Variants in GUCY1A2 observed in about 807,000 individuals in gnomAD.
GUCY1A2 encodes guanylate cyclase 1 soluble subunit alpha 2.
In GUCY1A2, 27 loss-of-function variants were observed where a neutral mutation model predicts 63.5. The observed-to-expected ratio is 0.43, with a 90% confidence interval of 0.31 to 0.59. GUCY1A2 has a LOEUF of 0.59. GUCY1A2 is among the 20% of genes least tolerant of loss of function. The probability of loss-of-function intolerance (pLI) is 0.11; values close to 1 mark genes in which losing one functional copy is unlikely to be tolerated. For synonymous variants in GUCY1A2, 364 were observed against 343.5 expected, an observed-to-expected ratio of 1.06 and a Z score of -0.66; for missense variants, 768 against 913.3, an observed-to-expected ratio of 0.84 and a Z score of 2.05.
intron 4 of GUCY1A2, among the ~76,000 whole-genome samples, chr11:106,910,180 C>G (rs1270246481): frequency 6.6e-6 from 1 of 151,778 alleles, no homozygotes; most frequent in Non-Finnish European, 1.5e-5. Flanking sequence ...ATCTGTAGGG[C>G]CATAGTAAAT....
chr11:106,806,967 C>T (rs1858697744), intron 5 of GUCY1A2, among the ~76,000 whole-genome samples: 1 of 152,160 alleles, frequency 6.6e-6, no homozygotes, highest in South Asian at 2.1e-4. Flanking sequence ...AAGAGAGGGG[C>T]AACCACAAAT....
chr11:106,758,845 G>A (rs10890580), intron 6 of GUCY1A2, among the ~76,000 whole-genome samples: 8,024 of 152,160 alleles, frequency 0.053, 332 homozygotes, highest in African/African-American at 0.11. Flanking sequence ...TACAGAGGAG[G>A]TTTTGTTGAC....
chr11:106,811,670 TAAGAA>T (rs1858763872), intron 4 of GUCY1A2, among the ~76,000 whole-genome samples: 1 of 152,084 alleles, frequency 6.6e-6, no homozygotes, highest in African/African-American at 2.4e-5. Context: ...CTTGTTTATA[TAAGAA>T]AATAAAATGG....
chr11:106,735,178 A>G lies in GUCY1A2; in HGVS notation c.1837-26512T>C, dbSNP rs185093226. Among the ~76,000 whole-genome samples, 230 of 152,222 alleles carry G rather than the reference A, an allele frequency of 1.5e-3. 1 individual carries two copies. The highest frequency in any genetic ancestry group is 0.01 in the South Asian group (49 of 4,826). Reference sequence around the variant, plus strand: ...TATTCCCTCAGTTATTCTAAAATGTACAAAAAATTATTCCTGACTAGTCAC... The same window carrying G: ...TATTCCCTCAGTTATTCTAAAATGTGCAAAAAATTATTCCTGACTAGTCAC... On this transcript the variant is annotated intron_variant, in intron 6 of 7. Coordinates refer to ENST00000526355, the MANE Select transcript of GUCY1A2 (RefSeq NM_000855.3).
intron 4 of GUCY1A2, among the ~76,000 whole-genome samples, chr11:106,938,478 T>C (rs1387343171): frequency 6.6e-6 from 1 of 152,116 alleles, no homozygotes; most frequent in Non-Finnish European, 1.5e-5. Context: ...TCATTTCTAA[T>C]AGCTAATAGC....
intron 6 of GUCY1A2, among the ~76,000 whole-genome samples, chr11:106,770,230 T>C (rs1864232748): frequency 6.6e-6 from 1 of 152,146 alleles, no homozygotes; most frequent in African/African-American, 2.4e-5. Flanking sequence ...ATTCTTTAAA[T>C]CTTTAAATCC....
intron 4 of GUCY1A2, among the ~76,000 whole-genome samples, chr11:106,932,346 T>C (rs927161263): frequency 6.6e-6 from 1 of 151,992 alleles, no homozygotes; most frequent in African/African-American, 2.4e-5. Context: ...CACAATAAAG[T>C]AACTATACAG....
At chr11:106,819,701 G>T (rs1858876333) in intron 4 of GUCY1A2, among the ~76,000 whole-genome samples, 1 of 152,134 alleles carries the variant, frequency 6.6e-6, no homozygotes, top group African/African-American at 2.4e-5. Flanking sequence ...AAAATATTGT[G>T]TGATTTGCCT....
intron 7 of GUCY1A2, among the ~76,000 whole-genome samples, chr11:106,704,467 C>T (rs1862872189): frequency 6.6e-6 from 1 of 152,284 alleles, no homozygotes; most frequent in South Asian, 2.1e-4. Context: ...ATGCACTTCA[C>T]CACTGCCTAA....
intron 4 of GUCY1A2, among the ~76,000 whole-genome samples, chr11:106,902,996 T>C (rs1860155473): frequency 6.6e-6 from 1 of 152,140 alleles, no homozygotes; most frequent in Non-Finnish European, 1.5e-5. Flanking sequence ...ATTATGAATC[T>C]ATGTCTTGCA....
intron 6 of GUCY1A2, among the ~76,000 whole-genome samples, chr11:106,743,138 CTTT>C (rs1863726148): frequency 6.6e-6 from 1 of 152,136 alleles, no homozygotes; most frequent in African/African-American, 2.4e-5. Flanking sequence ...ATCTCTTCTT[CTTT>C]ATCTGTAACA....
chr11:106,705,188 A>T (rs76232641), intron 7 of GUCY1A2, among the ~76,000 whole-genome samples: 5,679 of 152,262 alleles, frequency 0.037, 318 homozygotes, highest in East Asian at 0.15. Flanking sequence ...TATGTATGAA[A>T]TATTAAAATA....
intron 4 of GUCY1A2, among the ~76,000 whole-genome samples, chr11:106,841,251 T>C (rs1183973149): frequency 6.6e-6 from 1 of 151,864 alleles, no homozygotes; most frequent in African/African-American, 2.4e-5. Context: ...CCTGAATAAC[T>C]TCCTACTTAT....
chr11:106,800,264 A>T (rs1172006495), intron 5 of GUCY1A2, among the ~76,000 whole-genome samples: 1 of 152,222 alleles, frequency 6.6e-6, no homozygotes, highest in African/African-American at 2.4e-5. Context: ...ATGTGGAGAA[A>T]TAGGAACACT....
chr11:106,802,074 C>T (rs1858611702), intron 5 of GUCY1A2, among the ~76,000 whole-genome samples: 1 of 152,132 alleles, frequency 6.6e-6, no homozygotes, highest in Non-Finnish European at 1.5e-5. Flanking sequence ...GTATTTACAG[C>T]ATTTCTACTA....
intron 6 of GUCY1A2, among the ~76,000 whole-genome samples, chr11:106,728,403 C>T (rs1863444430): frequency 6.6e-6 from 1 of 152,158 alleles, no homozygotes; most frequent in Non-Finnish European, 1.5e-5. Context: ...TAGACTCTGA[C>T]AATTCTCCTG....
rs577575235 is a variant in GUCY1A2 at position 106,763,907 on chromosome 11, A to C, written c.1836+12532T>G. ...ATATCCAAAAGGATCAACTGATACCATCTGGAAGATAATATGTCCAAAAAA... is the reference window on the plus strand; with the variant it reads ...ATATCCAAAAGGATCAACTGATACCCTCTGGAAGATAATATGTCCAAAAAA... On this transcript the variant is annotated intron_variant, in intron 6 of 7. Coordinates refer to ENST00000526355, the MANE Select transcript of GUCY1A2 (RefSeq NM_000855.3). 7.2e-5 allele frequency among the ~76,000 whole-genome samples: 11 copies of C among 152,274 alleles called. No homozygotes were observed. The East Asian group carries it at 2.1e-3, about 29-fold the overall frequency.
At chr11:106,778,288 A>T (rs1303431709) in intron 5 of GUCY1A2, among the ~76,000 whole-genome samples, 1 of 152,184 alleles carries the variant, frequency 6.6e-6, no homozygotes, top group East Asian at 1.9e-4. Context: ...TTTATCAAAT[A>T]ATTTCTCAAA....
At chr11:106,762,243 T>C (rs569360253) in intron 6 of GUCY1A2, among the ~76,000 whole-genome samples, 1 of 152,094 alleles carries the variant, frequency 6.6e-6, no homozygotes, top group African/African-American at 2.4e-5. Flanking sequence ...CTTATTTATA[T>C]GTGAGGTAAA....
Sources: allele counts gnomAD v4.1 joint callset (sites outside exome capture counted in the v4.1 genomes callset), GRCh38; gene constraint gnomAD v4.1.1; transcripts MANE v1.5; gene names NCBI Gene and HGNC (gene_info 2026-07-23, HGNC 2026-07-21).